COXFA4: variants seen among roughly 807,000 people sequenced by gnomAD.
The protein encoded by COXFA4 is cytochrome c oxidase associated subunit FA4, also known as cytochrome c oxidase subunit FA4.
chr7:10,934,362 T>C, the COXFA4 span, among the ~76,000 whole-genome samples: 1 of 145,550 alleles, frequency 6.9e-6, no homozygotes, highest in South Asian at 2.2e-4. Flanking sequence ...AAATAAATCT[T>C]ACTGTGATTG....
the COXFA4 span, chr7:10,938,789 A>G: frequency 6.2e-7 from 1 of 1,600,396 alleles, no homozygotes; most frequent in East Asian, 2.2e-5. Context: ...CAAAGTTTTA[A>G]ACATTTTTAA....
chr7:10,938,030 C>A, the COXFA4 span: 5 of 1,442,706 alleles, frequency 3.5e-6, no homozygotes, highest in South Asian at 1.1e-5. Flanking sequence ...AAAACCCACC[C>A]CATGACAAAA....
the COXFA4 span, chr7:10,932,618 G>A: frequency 6.6e-6 from 1 of 152,162 alleles, no homozygotes; most frequent in Non-Finnish European, 1.5e-5. Context: ...ACACACCTAT[G>A]TGAAAACTTG....
chr7:10,939,976 A>C, the COXFA4 span: 1 of 1,612,306 alleles, frequency 6.2e-7, no homozygotes, highest in Non-Finnish European at 8.5e-7. Context: ...CGACGCAAGA[A>C]GGACAAGGGA....
the COXFA4 span, chr7:10,938,699 G>A: frequency 1.2e-6 from 1 of 809,854 alleles, no homozygotes; most frequent in Non-Finnish European, 2.2e-6. Flanking sequence ...TTGTATGACT[G>A]TAAATGTAAC....
chr7:10,938,178 A>C, the COXFA4 span: 7 of 1,583,274 alleles, frequency 4.4e-6, no homozygotes, highest in East Asian at 1.3e-4. Flanking sequence ...CGACTGTTAT[A>C]ATAATAAAGC....
chr7:10,932,536 T>G, the COXFA4 span: 6 of 152,250 alleles, frequency 3.9e-5, no homozygotes, highest in African/African-American at 1.4e-4. Flanking sequence ...AACATTTAAT[T>G]GTATACTTAC....
the COXFA4 span, chr7:10,938,926 C>G: frequency 2.0e-6 from 3 of 1,531,680 alleles, no homozygotes; most frequent in Middle Eastern, 1.7e-4. Flanking sequence ...GAATAACCAT[C>G]TTCAAATACT....
At chr7:10,937,415 T>G in the COXFA4 span, among the ~76,000 whole-genome samples, 1 of 151,986 alleles carries the variant, frequency 6.6e-6, no homozygotes, top group African/African-American at 2.4e-5. Context: ...CCCGAGCAGC[T>G]GTGATTACAG....
At chr7:10,934,964 G>C in the COXFA4 span, among the ~76,000 whole-genome samples, 1 of 152,246 alleles carries the variant, frequency 6.6e-6, no homozygotes, top group African/African-American at 2.4e-5. Context: ...ATAATTTACA[G>C]AAGGGTCTGC....
the COXFA4 span, chr7:10,937,764 G>C: frequency 4.2e-5 from 11 of 260,806 alleles, no homozygotes; most frequent in African/African-American, 2.4e-4. Context: ...AGAATCTCTG[G>C]GGATAAGGCT....
chr7:10,939,361 T>G, the COXFA4 span: 2 of 188,712 alleles, frequency 1.1e-5, no homozygotes, highest in African/African-American at 4.8e-5. Flanking sequence ...AATACTGGCT[T>G]TAAGCATTAT....
the COXFA4 span, among the ~76,000 whole-genome samples, chr7:10,937,486 T>C: frequency 1.3e-5 from 2 of 152,194 alleles, no homozygotes; most frequent in African/African-American, 4.8e-5. Flanking sequence ...TTTCACCATA[T>C]TGGCCAGGCT....
chr7:10,934,059 C>T, the COXFA4 span, among the ~76,000 whole-genome samples: 48 of 152,160 alleles, frequency 3.2e-4, 1 homozygote, highest in African/African-American at 1.0e-3. Flanking sequence ...GTGGAAGAAT[C>T]GCCAACAGAA....
At chr7:10,938,850 G>C in the COXFA4 span, 1 of 1,613,668 alleles carries the variant, frequency 6.2e-7, no homozygotes, top group Admixed American at 1.7e-5. Flanking sequence ...GAGATACAGT[G>C]TTGCTCCAGT....
the COXFA4 span, chr7:10,938,166 T>C: frequency 2.6e-5 from 41 of 1,602,624 alleles, no homozygotes; most frequent in South Asian, 4.4e-4. Flanking sequence ...AATAAAACAT[T>C]ACGACTGTTA....
chr7:10,936,478 TA>T, the COXFA4 span, among the ~76,000 whole-genome samples: 1 of 152,238 alleles, frequency 6.6e-6, no homozygotes, highest in South Asian at 2.1e-4. Context: ...GTTTACTTTT[TA>T]AAAGTTTCTT....
At chr7:10,937,992 G>T in the COXFA4 span, 5 of 960,572 alleles carry the variant, frequency 5.2e-6, no homozygotes, top group South Asian at 6.6e-5. Flanking sequence ...CAATATAATG[G>T]AATTTTACTC....
the COXFA4 span, chr7:10,937,917 A>C: frequency 4.1e-5 from 25 of 611,010 alleles, 1 homozygote; most frequent in Non-Finnish European, 6.5e-5. Context: ...TACCTAGCAA[A>C]AAATATTTAT....
Sources: gnomAD v4.1 joint callset for allele counts (sites outside exome capture counted in the v4.1 genomes callset) on GRCh38, gnomAD v4.1.1 for gene constraint, MANE v1.5 for transcripts, NCBI Gene and HGNC (gene_info 2026-07-23, HGNC 2026-07-21) for gene names.